The following CAMK2D variants were observed in gnomAD, a reference collection of about 807,000 sequenced individuals.
CAMK2D encodes calcium/calmodulin-dependent protein kinase type II subunit delta.
A neutral mutation model predicts 84.0 loss-of-function variants in CAMK2D; 37 were observed. That is an observed-to-expected ratio of 0.44 (90% CI 0.34 to 0.58). CAMK2D has a LOEUF of 0.58. Ranked by LOEUF, CAMK2D falls within the 20% of genes least tolerant of loss-of-function variation. The pLI, the probability that CAMK2D is intolerant of heterozygous loss-of-function variation, is 0.02. For missense variants in CAMK2D, 448 were observed against 652.5 expected (o/e 0.69, Z 3.41); for synonymous variants, 202 against 212.5 (o/e 0.95, Z 0.43).
chr4:113,661,082 A>C (rs2099229355), intron 3 of CAMK2D, among the ~76,000 whole-genome samples: 1 of 152,202 alleles, frequency 6.6e-6, no homozygotes, highest in African/African-American at 2.4e-5. Context: ...GGCATGAGCC[A>C]CCGCGCCCGG....
At chr4:113,509,725 C>T (rs764966946) in intron 12 of CAMK2D, 50 bp from the exon 13 acceptor site, 24 of 1,345,644 alleles carry the variant, frequency 1.8e-5, no homozygotes, top group African/African-American at 5.7e-5. Flanking sequence ...TAGAAACCCA[C>T]AGCCAGACAA....
chr4:113,662,799 T>G (rs1189434769), intron 2 of CAMK2D, among the ~76,000 whole-genome samples: 1 of 152,216 alleles, frequency 6.6e-6, no homozygotes, highest in Non-Finnish European at 1.5e-5. Context: ...AGTTTTAGTT[T>G]GGAAATAGTT....
intron 4 of CAMK2D, among the ~76,000 whole-genome samples, chr4:113,586,855 G>A (rs2098836500): frequency 6.6e-6 from 1 of 152,096 alleles, no homozygotes; most frequent in Non-Finnish European, 1.5e-5. Context: ...CATGTTCAGG[G>A]CATGCAGGTA....
In CAMK2D at chr4:113,489,160, T is replaced by A. The variant is rs189762456; in HGVS notation, c.1135+11303A>T. Among the ~76,000 whole-genome samples, 491 of 152,160 alleles carry A rather than the reference T, an allele frequency of 3.2e-3. 1 individual carries two copies. Among genetic ancestry groups the A allele is most frequent in the Non-Finnish European group, 5.3e-3 (360 of 67,996 alleles). The stretch of plus-strand genomic sequence containing the variant: ...ATTTTTCTTTTTTTTTTATTATACT[T>A]TAAGTTTTAGGGTACATGTGCACAT... On this transcript the variant is annotated intron_variant, in intron 16 of 20. Coordinates refer to ENST00000511664, the MANE Select transcript of CAMK2D (RefSeq NM_001321571.2).
chr4:113,647,349 T>C (rs2099156087), intron 3 of CAMK2D, among the ~76,000 whole-genome samples: 1 of 152,262 alleles, frequency 6.6e-6, no homozygotes, highest in African/African-American at 2.4e-5. Flanking sequence ...GTTTATTTTC[T>C]TTAATAGATT....
chr4:113,457,696 C>T, intron 18 of CAMK2D, 133 bp from the exon 19 acceptor site: 1 of 668,102 alleles, frequency 1.5e-6, no homozygotes, highest in East Asian at 2.7e-5. Context: ...AATTAATCTA[C>T]TATTTGTACT....
intron 16 of CAMK2D, 87 bp downstream of exon 16, chr4:113,500,376 A>G (rs2098018873): frequency 1.4e-6 from 1 of 700,510 alleles, no homozygotes; most frequent in Admixed American, 2.7e-5. Context: ...CTACTTCCTA[A>G]ACTTATTAGT....
At chr4:113,704,381 T>C (rs1171254598) in intron 2 of CAMK2D, among the ~76,000 whole-genome samples, 2 of 151,986 alleles carry the variant, frequency 1.3e-5, no homozygotes, top group Non-Finnish European at 2.9e-5. Flanking sequence ...CTTTATTGTT[T>C]TATATAAGAA....
intron 16 of CAMK2D, among the ~76,000 whole-genome samples, chr4:113,485,344 A>G (rs2097755957): frequency 2.0e-5 from 3 of 152,324 alleles, no homozygotes; most frequent in East Asian, 1.9e-4. Flanking sequence ...CGCTTTTAAC[A>G]GGGCTTGGCA....
Position 113,620,481 on chromosome 4 carries a change from C to A in CAMK2D, c.221-11275G>T, listed in dbSNP as rs190435754. Among the ~76,000 whole-genome samples the A allele has an allele frequency of 2.6e-5, 4 of 151,610 alleles. No individual in the cohort carries two copies. The East Asian group carries it at 7.7e-4, about 29-fold the overall frequency. ...TTATTCAAATTGCTTAAGATTCAAA[C>A]TTGGTAAACTTTCTTATTTTTTTAC... On this transcript the variant is annotated intron_variant, in intron 3 of 20. Coordinates refer to ENST00000511664, the MANE Select transcript of CAMK2D (RefSeq NM_001321571.2).
Position 113,474,486 on chromosome 4 carries a change from G to A in CAMK2D, c.1136-8882C>T, listed in dbSNP as rs1392836705. Among the ~76,000 whole-genome samples, 10 of 131,108 alleles carry A rather than the reference G, an allele frequency of 7.6e-5. No homozygotes were observed. The South Asian group carries it at 1.3e-3, about 17-fold the overall frequency. 86.0% of individuals were successfully genotyped at this position (131,108 alleles called of 152,430 possible). A position where few individuals can be genotyped will look rare whatever the true frequency, so the allele number is the denominator to read the frequency against. ...CATAAAGTTTTAAAATATTTGGAAAGTCCTTTTTGGCCTTTTTTTTTTTTT... is the reference window on the plus strand; with the variant it reads ...CATAAAGTTTTAAAATATTTGGAAAATCCTTTTTGGCCTTTTTTTTTTTTT... On this transcript the variant is annotated intron_variant, in intron 16 of 20. Coordinates refer to ENST00000511664, the MANE Select transcript of CAMK2D (RefSeq NM_001321571.2).
chr4:113,678,451 G>T (rs2099327705), intron 2 of CAMK2D, among the ~76,000 whole-genome samples: 2 of 142,028 alleles, frequency 1.4e-5, no homozygotes, highest in South Asian at 4.6e-4. Context: ...TTTTATAGTT[G>T]GTTCTGTGAT....
chr4:113,583,728 G>A (rs1001462480), intron 4 of CAMK2D, among the ~76,000 whole-genome samples: 1 of 152,104 alleles, frequency 6.6e-6, no homozygotes, highest in Non-Finnish European at 1.5e-5. Context: ...AAAGACAAGG[G>A]TACAGATAGA....
At chr4:113,595,400 C>A (rs2098919892) in intron 4 of CAMK2D, among the ~76,000 whole-genome samples, 1 of 151,188 alleles carries the variant, frequency 6.6e-6, no homozygotes, top group Admixed American at 6.6e-5. Flanking sequence ...AACAGTTTGT[C>A]CAAAGTAATA....
At chr4:113,494,785 C>T (rs942462305) in intron 16 of CAMK2D, among the ~76,000 whole-genome samples, 6 of 152,188 alleles carry the variant, frequency 3.9e-5, no homozygotes, top group Admixed American at 3.3e-4. Context: ...TGCTAGCAAT[C>T]AGGGAGACTC....
At chr4:113,554,119 C>T (rs2154200763) in intron 4 of CAMK2D, among the ~76,000 whole-genome samples, 1 of 152,100 alleles carries the variant, frequency 6.6e-6, no homozygotes, top group Admixed American at 6.5e-5. Flanking sequence ...TGTTATTTGG[C>T]CTATGAAAAA....
chr4:113,458,372 G>A lies in CAMK2D; in HGVS notation c.1307-809C>T, dbSNP rs116719358. 3.7e-3 allele frequency among the ~76,000 whole-genome samples: 566 copies of A among 152,274 alleles called. 4 individuals are homozygous for A. Among genetic ancestry groups the A allele is most frequent in the African/African-American group, 0.013 (528 of 41,576 alleles). On this transcript the variant is annotated intron_variant, in intron 18 of 20. Coordinates refer to ENST00000511664, the MANE Select transcript of CAMK2D (RefSeq NM_001321571.2). ...ATGCTGTTTCTTTCTTAGATCACTA[G>A]AAAAGGTTGAATTGTTTTTGGCTAT...
At chr4:113,499,522 A>G (rs1224812514) in intron 16 of CAMK2D, among the ~76,000 whole-genome samples, 2 of 152,218 alleles carry the variant, frequency 1.3e-5, no homozygotes, top group Non-Finnish European at 2.9e-5. Context: ...TAAAATATGA[A>G]TACAACTTTA....
chr4:113,520,440 TA>T (rs1014316367), intron 8 of CAMK2D, among the ~76,000 whole-genome samples: 2 of 151,930 alleles, frequency 1.3e-5, no homozygotes, highest in African/African-American at 4.8e-5. Flanking sequence ...TAAAATAAAA[TA>T]AAAGTGTTTG....
Sources: gnomAD v4.1 joint callset for allele counts (sites outside exome capture counted in the v4.1 genomes callset) on GRCh38, gnomAD v4.1.1 for gene constraint, MANE v1.5 for transcripts, NCBI Gene and HGNC (gene_info 2026-07-23, HGNC 2026-07-21) for gene names.